The following CDH8 variants were observed in gnomAD, a reference collection of about 807,000 sequenced individuals.
CDH8 encodes cadherin-8.
Under a neutral mutation model 68.1 loss-of-function variants are expected in CDH8, and 17 were observed. The observed-to-expected ratio is 0.25, with a 90% CI of 0.17 to 0.37. The LOEUF (loss-of-function observed/expected upper bound fraction) is 0.37, where lower values mean the gene tolerates loss of function less well. Ranked by LOEUF, CDH8 falls within the 10% of genes least tolerant of loss-of-function variation. The pLI is 1.00. For synonymous variants in CDH8, 372 were observed against 365.1 expected (o/e 1.02, Z -0.21); for missense variants, 763 against 999.3 (o/e 0.76, Z 3.19).
chr16:61,981,457 G>A (rs934347038), intron 2 of CDH8, among the ~76,000 whole-genome samples: 1 of 152,082 alleles, frequency 6.6e-6, no homozygotes, highest in African/African-American at 2.4e-5. Context: ...GCTGAACATG[G>A]ATTTCTATAC....
intron 8 of CDH8, among the ~76,000 whole-genome samples, chr16:61,782,558 C>T (rs1490788046): frequency 3.3e-5 from 5 of 151,958 alleles, no homozygotes; most frequent in South Asian, 4.1e-4. Flanking sequence ...ACAAAGCAGC[C>T]AGGAAGCTCG....
intron 2 of CDH8, among the ~76,000 whole-genome samples, chr16:61,992,125 C>G (rs1232631728): frequency 5.4e-5 from 6 of 110,596 alleles, no homozygotes; most frequent in Non-Finnish European, 1.4e-4. Context: ...AGGAAATGTA[C>G]TCTTTTTTGG....
chr16:61,992,242 C>T (rs529664552), intron 2 of CDH8, among the ~76,000 whole-genome samples: 37 of 151,280 alleles, frequency 2.4e-4, no homozygotes, highest in Non-Finnish European at 3.4e-4. Context: ...ACATGTACAC[C>T]GTGGAATACT....
At chr16:61,884,703 C>A (rs1963640617) in intron 3 of CDH8, among the ~76,000 whole-genome samples, 1 of 152,080 alleles carries the variant, frequency 6.6e-6, no homozygotes, top group Non-Finnish European at 1.5e-5. Flanking sequence ...ACATTGCCTT[C>A]TATTTAGCTT....
In CDH8 at chr16:61,651,520, A is replaced by C. The variant is rs1963323401; in HGVS notation, c.*2088T>G. ...AGTTGGTGCGTTCAGCTTTTGAGTC[A>C]AAAACCGTTCTCTTCTTAGCAGCCC... On this transcript the variant is annotated 3_prime_UTR_variant, in exon 12 of 12. Transcript: ENST00000577390. 6.6e-6 allele frequency: 1 copy of C among 152,192 alleles called. No homozygotes were observed. The highest frequency in any genetic ancestry group is 6.6e-5 in the Admixed American group (1 of 15,266). The allele number at this position is 152,192 out of a possible 1,614,324, so 9.4% of individuals were successfully genotyped here. A position where few individuals can be genotyped will look rare whatever the true frequency, so the allele number is the denominator to read the frequency against.
intron 3 of CDH8, among the ~76,000 whole-genome samples, chr16:61,868,470 G>A (rs1481270070): frequency 6.6e-6 from 1 of 152,036 alleles, no homozygotes; most frequent in Non-Finnish European, 1.5e-5. Flanking sequence ...ATAACGGTAA[G>A]GGTTTTCTCT....
chr16:62,012,410 T>C (rs957869331), intron 2 of CDH8, among the ~76,000 whole-genome samples: 1 of 152,196 alleles, frequency 6.6e-6, no homozygotes, highest in East Asian at 1.9e-4. Context: ...TCTTCACGGT[T>C]TCATAAAAAT....
At chr16:61,673,062 T>A (rs563104965) in intron 10 of CDH8, among the ~76,000 whole-genome samples, 2 of 152,132 alleles carry the variant, frequency 1.3e-5, no homozygotes, top group African/African-American at 4.8e-5. Context: ...GAGATAATGA[T>A]TCCTAGAAGA....
intron 3 of CDH8, among the ~76,000 whole-genome samples, chr16:61,880,760 G>C (rs1963559405): frequency 6.6e-6 from 1 of 152,166 alleles, no homozygotes; most frequent in Non-Finnish European, 1.5e-5. Flanking sequence ...GATCAAGAAA[G>C]ACCAGACCTG....
At chr16:62,029,254 G>A (rs904100257) in intron 1 of CDH8, among the ~76,000 whole-genome samples, 12 of 152,116 alleles carry the variant, frequency 7.9e-5, no homozygotes, top group Admixed American at 4.6e-4. Flanking sequence ...GTGCTTAACC[G>A]AAAATATTTA....
chr16:61,913,720 C>G (rs1043089303), intron 2 of CDH8, among the ~76,000 whole-genome samples: 3 of 152,006 alleles, frequency 2.0e-5, no homozygotes, highest in Admixed American at 2.0e-4. Flanking sequence ...ACCTGACAAC[C>G]AAAGACGCCC....
chr16:61,962,020 A>G (rs1475320026), intron 2 of CDH8, among the ~76,000 whole-genome samples: 4 of 152,260 alleles, frequency 2.6e-5, no homozygotes, highest in African/African-American at 9.6e-5. Flanking sequence ...CTCTATTCTT[A>G]GAATTAAAAT....
At chr16:61,782,794 C>T (rs993783180) in intron 8 of CDH8, among the ~76,000 whole-genome samples, 61 of 152,178 alleles carry the variant, frequency 4.0e-4, no homozygotes, top group African/African-American at 1.3e-3. Context: ...GACCCCTGAG[C>T]AGCCTAACTG....
At chr16:61,816,338 TGTGA>T (rs1411681937) in intron 7 of CDH8, among the ~76,000 whole-genome samples, 3 of 152,188 alleles carry the variant, frequency 2.0e-5, no homozygotes, top group Non-Finnish European at 1.5e-5. Flanking sequence ...TCAGCACCCT[TGTGA>T]GTAACAGGAA....
At chr16:61,996,132 C>T (rs1177504669) in intron 2 of CDH8, among the ~76,000 whole-genome samples, 1 of 152,214 alleles carries the variant, frequency 6.6e-6, no homozygotes, top group Non-Finnish European at 1.5e-5. Context: ...GAAATGTTTA[C>T]TAGTGCCTCT....
intron 10 of CDH8, among the ~76,000 whole-genome samples, chr16:61,704,702 T>C (rs576682806): frequency 4.5e-4 from 68 of 152,336 alleles, no homozygotes; most frequent in African/African-American, 1.6e-3. Flanking sequence ...CCAAAGTCAC[T>C]TCTCTGTTAA....
At chr16:61,985,918 CTTTTTTT>C (rs71134380) in intron 2 of CDH8, among the ~76,000 whole-genome samples, 1 of 91,110 alleles carries the variant, frequency 1.1e-5, no homozygotes, top group Non-Finnish European at 2.1e-5. Context: ...CCTTTCTTTA[CTTTTTTT>C]TTTTTTTTTT....
At chr16:61,859,343 C>T (rs1045829781) in intron 3 of CDH8, among the ~76,000 whole-genome samples, 19 of 151,980 alleles carry the variant, frequency 1.3e-4, no homozygotes, top group African/African-American at 4.3e-4. Context: ...GATAAAATTG[C>T]CAAAAAATAC....
intron 2 of CDH8, among the ~76,000 whole-genome samples, chr16:61,989,761 A>G (rs1032948984): frequency 6.6e-6 from 1 of 152,224 alleles, no homozygotes; most frequent in Non-Finnish European, 1.5e-5. Context: ...TTCCTGCTCA[A>G]ACAAATAAGC....
Sources: gnomAD v4.1 joint callset for allele counts (sites outside exome capture counted in the v4.1 genomes callset) on GRCh38, gnomAD v4.1.1 for gene constraint, MANE v1.5 for transcripts, NCBI Gene and HGNC (gene_info 2026-07-23, HGNC 2026-07-21) for gene names.